SGCD: variants seen among roughly 807,000 people sequenced by gnomAD.
SGCD encodes sarcoglycan delta.
SGCD carries 18 observed loss-of-function variants against 36.6 expected under a neutral mutation model. The ratio of observed to expected loss-of-function variants is 0.49; its 90% CI spans 0.34 to 0.73. The LOEUF is 0.73. SGCD is among the 30% of genes least tolerant of loss of function. The pLI is 0.01. For synonymous variants in SGCD, 133 were observed against 130.6 expected (o/e 1.02, Z -0.12); for missense variants, 387 against 346.7 (o/e 1.12, Z -0.92).
At chr5:156,031,659 A>C (rs1201335255) in intron 1 of SGCD, among the ~76,000 whole-genome samples, 1 of 152,230 alleles carries the variant, frequency 6.6e-6, no homozygotes, top group Admixed American at 6.5e-5. Flanking sequence ...TGGCATAATA[A>C]TAGCTAAGAT....
intron 1 of SGCD, among the ~76,000 whole-genome samples, chr5:155,882,889 C>G (rs553787322): frequency 1.1e-4 from 16 of 152,312 alleles, no homozygotes; most frequent in South Asian, 4.1e-4. Context: ...CTTTTGCTCT[C>G]TAGCTATCAA....
intron 3 of SGCD, among the ~76,000 whole-genome samples, chr5:156,496,678 T>C (rs1169562814): frequency 6.6e-6 from 1 of 152,120 alleles, no homozygotes; most frequent in Non-Finnish European, 1.5e-5. Context: ...TAGCCAAATA[T>C]GCAGTGGTTC....
chr5:156,719,399 T>C (rs919406143), intron 7 of SGCD, among the ~76,000 whole-genome samples: 1 of 151,432 alleles, frequency 6.6e-6, no homozygotes, highest in Non-Finnish European at 1.5e-5. Context: ...ATGATGTATA[T>C]ATACACACAC....
At chr5:156,139,528 A>C (rs1327613481) in intron 3 of SGCD, among the ~76,000 whole-genome samples, 1 of 152,104 alleles carries the variant, frequency 6.6e-6, no homozygotes, top group East Asian at 1.9e-4. Context: ...TCATCTAGGA[A>C]ATGCTTTGTC....
intron 4 of SGCD, among the ~76,000 whole-genome samples, chr5:156,582,759 C>T (rs1760325452): frequency 1.3e-5 from 2 of 152,208 alleles, no homozygotes; most frequent in African/African-American, 4.8e-5. Context: ...AAGCCCGTCT[C>T]CCCACTATCC....
chr5:155,826,678 A>T, the SGCD span, among the ~76,000 whole-genome samples: 1 of 152,060 alleles, frequency 6.6e-6, no homozygotes, highest in Non-Finnish European at 1.5e-5. Context: ...TATTTGAAGA[A>T]CCCTAAATGA....
intron 3 of SGCD, among the ~76,000 whole-genome samples, chr5:156,418,710 G>A (rs1382407177): frequency 6.6e-6 from 1 of 152,188 alleles, no homozygotes; most frequent in Non-Finnish European, 1.5e-5. Context: ...GTTAGGTGCA[G>A]GACATTCAGA....
intron 7 of SGCD, among the ~76,000 whole-genome samples, chr5:156,718,237 A>C (rs113168434): frequency 6.6e-6 from 1 of 152,130 alleles, no homozygotes; most frequent in Non-Finnish European, 1.5e-5. Context: ...CATAAGTACT[A>C]TGCAGTACAC....
chr5:156,520,640 TACAAGGCTACACTC>T (rs1330966138), intron 4 of SGCD, among the ~76,000 whole-genome samples: 3 of 152,080 alleles, frequency 2.0e-5, no homozygotes, highest in Non-Finnish European at 4.4e-5. Context: ...CAAACTATAC[TACAAGGCTACACTC>T]ACCAAAACAG....
chr5:156,745,607 C>A (rs1756906792), intron 7 of SGCD, among the ~76,000 whole-genome samples: 1 of 151,972 alleles, frequency 6.6e-6, no homozygotes, highest in South Asian at 2.1e-4. Flanking sequence ...AACAAGGCAG[C>A]CAATGTAGAC....
intron 3 of SGCD, among the ~76,000 whole-genome samples, chr5:156,373,275 A>C (rs1019627173): frequency 1.3e-5 from 2 of 152,166 alleles, no homozygotes; most frequent in African/African-American, 4.8e-5. Context: ...GTACTCTCCA[A>C]TAATTTTGCT....
chr5:155,773,189 G>T, the SGCD span, among the ~76,000 whole-genome samples: 1 of 152,070 alleles, frequency 6.6e-6, no homozygotes, highest in Admixed American at 6.6e-5. Context: ...GTCCACTTCT[G>T]CTGTAAAAGT....
At chr5:155,946,741 C>G in intron 1 of SGCD, among the ~76,000 whole-genome samples, 1 of 152,200 alleles carries the variant, frequency 6.6e-6, no homozygotes, top group East Asian at 1.9e-4. Flanking sequence ...TAGCATATCT[C>G]CAAAATGTGT....
intron 3 of SGCD, among the ~76,000 whole-genome samples, chr5:156,349,448 A>G (rs1351241194): frequency 6.6e-6 from 1 of 152,086 alleles, no homozygotes; most frequent in Non-Finnish European, 1.5e-5. Context: ...GCATGAATAG[A>G]AATTTCTCAA....
intron 1 of SGCD, among the ~76,000 whole-genome samples, chr5:155,890,940 C>A (rs914567133): frequency 2.0e-5 from 3 of 152,136 alleles, no homozygotes; most frequent in African/African-American, 7.2e-5. Context: ...GCAGAAGAAA[C>A]TGATTATCAG....
chr5:156,454,691 G>A (rs1754175563), intron 3 of SGCD, among the ~76,000 whole-genome samples: 1 of 152,116 alleles, frequency 6.6e-6, no homozygotes, highest in African/African-American at 2.4e-5. Context: ...AGAGAGCATT[G>A]GCATGGTGGC....
At chr5:156,448,456 T>C (rs1753841484) in intron 3 of SGCD, among the ~76,000 whole-genome samples, 1 of 152,170 alleles carries the variant, frequency 6.6e-6, no homozygotes, top group African/African-American at 2.4e-5. Context: ...GTGTGATCTC[T>C]GGTATAACAC....
chr5:156,380,146 T>C (rs1033799905), intron 3 of SGCD, among the ~76,000 whole-genome samples: 3 of 152,174 alleles, frequency 2.0e-5, no homozygotes, highest in African/African-American at 7.2e-5. Flanking sequence ...TTGGTTGAAA[T>C]GATCATTGCA....
chr5:156,194,970 T>A (rs1763988417), intron 3 of SGCD, among the ~76,000 whole-genome samples: 1 of 152,176 alleles, frequency 6.6e-6, no homozygotes, highest in African/African-American at 2.4e-5. Flanking sequence ...GTGATGATGA[T>A]GATGATTATG....
Sources: allele counts gnomAD v4.1 joint callset (sites outside exome capture counted in the v4.1 genomes callset), GRCh38; gene constraint gnomAD v4.1.1; transcripts MANE v1.5; gene names NCBI Gene and HGNC (gene_info 2026-07-23, HGNC 2026-07-21).